MANBA: variants seen among roughly 807,000 people sequenced by gnomAD.
MANBA encodes mannosidase beta, also known as beta-mannosidase.
A neutral mutation model predicts 111.1 loss-of-function variants in MANBA; 83 were observed. That is an observed-to-expected ratio of 0.75 (90% CI 0.63 to 0.90). MANBA has a LOEUF of 0.90. MANBA is among the 40% of genes least tolerant of loss of function. The pLI is 0.00. For synonymous variants in MANBA, 370 were observed against 378.7 expected, an observed-to-expected ratio of 0.98 and a Z score of 0.27; for missense variants, 1,036 against 1,069.0, an observed-to-expected ratio of 0.97 and a Z score of 0.43.
chr4:102,728,770 C>A, intron 1 of MANBA: 1 of 921,332 alleles, frequency 1.1e-6, no homozygotes, highest in Non-Finnish European at 1.7e-6. Context: ...CGTCAGAGGA[C>A]TAGGACACCA....
rs1396660466 is a variant in MANBA, at chr4:102,752,062, G to A, written c.177+8656C>T. On this transcript the variant is annotated intron_variant, in intron 1 of 16. Transcript: ENST00000647097. ...AAAGATCTGGTCTACAGTCCCTACA[G>A]AAGAAGAAGATGAAATGGAGGAATC... 4 of 756,316 alleles carry A rather than the reference G, an allele frequency of 5.3e-6. No individual in the cohort carries two copies. In the East Asian group the frequency reaches 7.4e-5, roughly 14 times the overall value. 46.9% of individuals were successfully genotyped at this position (756,316 alleles called of 1,614,324 possible).
At chr4:102,676,923 GA>G (rs34768739) in intron 7 of MANBA, among the ~76,000 whole-genome samples, 80,659 of 150,374 alleles carry the variant, frequency 0.54, 21,577 homozygotes, top group South Asian at 0.56. Flanking sequence ...GCAGGAAAAT[GA>G]AAAAAAAACA....
At chr4:102,740,926 A>G (rs1723379867) in intron 1 of MANBA, among the ~76,000 whole-genome samples, 1 of 152,202 alleles carries the variant, frequency 6.6e-6, no homozygotes. Flanking sequence ...AGCAAATGCA[A>G]CAAAAACGAA....
At chr4:102,714,326 G>A (rs2110273424) in intron 5 of MANBA, 112 bp downstream of exon 5, 1 of 1,123,570 alleles carries the variant, frequency 8.9e-7, no homozygotes, top group Non-Finnish European at 1.3e-6. Flanking sequence ...GTACCACAAA[G>A]TTTTTAAAAA....
intron 7 of MANBA, among the ~76,000 whole-genome samples, chr4:102,682,014 G>A (rs999291190): frequency 1.3e-5 from 2 of 151,920 alleles, no homozygotes; most frequent in Non-Finnish European, 2.9e-5. Context: ...GGGCATGGTG[G>A]TGCGTGCCTG....
At chr4:102,731,392 G>A (rs900578890) in intron 1 of MANBA, among the ~76,000 whole-genome samples, 3 of 152,102 alleles carry the variant, frequency 2.0e-5, no homozygotes, top group African/African-American at 4.8e-5. Context: ...ACTCCCTTCC[G>A]CTCATTGGAT....
intron 11 of MANBA, among the ~76,000 whole-genome samples, chr4:102,662,079 C>T (rs1730983342): frequency 6.6e-6 from 1 of 152,074 alleles, no homozygotes; most frequent in African/African-American, 2.4e-5. Flanking sequence ...AGGCATATCT[C>T]CATTTCAGAG....
In MANBA at chr4:102,690,513, T is replaced by A. The variant is rs898560244; in HGVS notation, c.849+83A>T. 3 of 1,329,316 alleles carry A rather than the reference T, an allele frequency of 2.3e-6. No homozygotes were observed. The African/African-American group carries it at 4.4e-5, about 19-fold the overall frequency. The allele number at this position is 1,329,316 out of a possible 1,614,324, so 82.3% of individuals were successfully genotyped here. A position where few individuals can be genotyped will look rare whatever the true frequency, so the allele number is the denominator to read the frequency against. ...GCAGAGAAAGTAGAATTTTCTTTCA[T>A]ACTTAGTCCCTCCTTTCTAATCATT... is the stretch of plus-strand genomic sequence containing the variant. On this transcript the variant is annotated intron_variant, in intron 6 of 16. Coordinates refer to ENST00000647097, the MANE Select transcript of MANBA (RefSeq NM_005908.4).
rs139689597 is a variant in MANBA, at chr4:102,713,271, C to T, written c.673+1167G>A. ...CCGTGTGATTACACTGAGCATTGCA[C>T]GCTCTCATTTAAGATCTCACTTGCC... On this transcript the variant is annotated intron_variant, in intron 5 of 16. Coordinates refer to ENST00000647097, the MANE Select transcript of MANBA (RefSeq NM_005908.4). Among the ~76,000 whole-genome samples the T allele has an allele frequency of 8.5e-5, 13 of 152,262 alleles. No individual in the cohort carries two copies. The East Asian group carries it at 1.2e-3, about 14-fold the overall frequency.
intron 15 of MANBA, among the ~76,000 whole-genome samples, chr4:102,635,386 C>A (rs145288991): frequency 2.6e-5 from 4 of 152,178 alleles, no homozygotes; most frequent in Non-Finnish European, 2.9e-5. Flanking sequence ...ACTATAGCCA[C>A]CTAAGACTTT....
chr4:102,686,963 A>C (rs963552549), intron 7 of MANBA, among the ~76,000 whole-genome samples: 1 of 152,134 alleles, frequency 6.6e-6, no homozygotes, highest in African/African-American at 2.4e-5. Context: ...ACACCTATCA[A>C]ATATTATTCC....
At chr4:102,659,050 CAG>C (rs1578877180) in intron 11 of MANBA, 2 of 151,942 alleles carry the variant, frequency 1.3e-5, no homozygotes, top group East Asian at 3.9e-4. Flanking sequence ...GGGAGAGAGA[CAG>C]AGAAAGAGAG....
chr4:102,736,221 A>G (rs1723211999), intron 1 of MANBA, among the ~76,000 whole-genome samples: 1 of 152,226 alleles, frequency 6.6e-6, no homozygotes. Context: ...TACCATTAAC[A>G]TCACAACACC....
chr4:102,659,383 T>C (rs1272478318), intron 11 of MANBA, among the ~76,000 whole-genome samples: 1 of 152,182 alleles, frequency 6.6e-6, no homozygotes, highest in Non-Finnish European at 1.5e-5. Context: ...CACCATTAGG[T>C]TTCACTTTTT....
At chr4:102,737,658 A>AT (rs1204098987) in intron 1 of MANBA, among the ~76,000 whole-genome samples, 1 of 151,734 alleles carries the variant, frequency 6.6e-6, no homozygotes, top group Non-Finnish European at 1.5e-5. Flanking sequence ...AATTTTTTGT[A>AT]TTTTTAGTAG....
At chr4:102,671,929 A>G (rs1240773837) in intron 8 of MANBA, 1 of 410,570 alleles carries the variant, frequency 2.4e-6, no homozygotes, top group African/African-American at 2.1e-5. Context: ...CTCCATTCCC[A>G]GAACAGTGCT....
At chr4:102,702,694 T>G (rs1175690911) in intron 5 of MANBA, among the ~76,000 whole-genome samples, 1 of 152,164 alleles carries the variant, frequency 6.6e-6, no homozygotes, top group African/African-American at 2.4e-5. Context: ...TATACATATA[T>G]ATAAGTAAAT....
chr4:102,670,148 C>T (rs1223233973), intron 9 of MANBA, among the ~76,000 whole-genome samples: 4 of 133,356 alleles, frequency 3.0e-5, no homozygotes, highest in African/African-American at 1.4e-4. Context: ...GAGCCAGACT[C>T]CATATCAAAA....
chr4:102,690,897 A>C, intron 5 of MANBA, 126 bp from the exon 6 acceptor site: 1 of 274,200 alleles, frequency 3.6e-6, no homozygotes, highest in Non-Finnish European at 6.4e-6. Context: ...GTGCTCCACA[A>C]TGCTGTCATA....
Sources: allele counts gnomAD v4.1 joint callset (sites outside exome capture counted in the v4.1 genomes callset), GRCh38; gene constraint gnomAD v4.1.1; transcripts MANE v1.5; gene names NCBI Gene and HGNC (gene_info 2026-07-23, HGNC 2026-07-21).